Variants in TRAPPC9 observed in about 807,000 individuals in gnomAD.
The protein encoded by TRAPPC9 is trafficking protein particle complex subunit 9, also known as IKK2 binding protein.
A neutral mutation model predicts 124.0 loss-of-function variants in TRAPPC9; 83 were observed. That is an observed-to-expected ratio of 0.67 (90% CI 0.56 to 0.80). The LOEUF (loss-of-function observed/expected upper bound fraction) is 0.80, where lower values mean the gene tolerates loss of function less well. TRAPPC9 is among the 30% of genes least tolerant of loss of function. The probability of loss-of-function intolerance (pLI) is 0.00; values close to 1 mark genes in which losing one functional copy is unlikely to be tolerated. For missense variants in TRAPPC9, 1,302 were observed against 1,508.3 expected, an observed-to-expected ratio of 0.86 and a Z score of 2.27; for synonymous variants, 638 against 617.5, an observed-to-expected ratio of 1.03 and a Z score of -0.49.
At chr8:139,908,367 C>T (rs557188990) in intron 20 of TRAPPC9, among the ~76,000 whole-genome samples, 47 of 152,242 alleles carry the variant, frequency 3.1e-4, no homozygotes, top group Non-Finnish European at 5.7e-4. Flanking sequence ...CTCTGAGACC[C>T]GAGTAAGAGA....
At chr8:140,007,226 G>C (rs1304315506) in intron 18 of TRAPPC9, among the ~76,000 whole-genome samples, 1 of 152,204 alleles carries the variant, frequency 6.6e-6, no homozygotes, top group African/African-American at 2.4e-5. Flanking sequence ...GGAGAGCCAT[G>C]AAGAACGCAC....
chr8:140,175,537 C>T (rs1362403056), intron 17 of TRAPPC9, among the ~76,000 whole-genome samples: 1 of 152,164 alleles, frequency 6.6e-6, no homozygotes, highest in Non-Finnish European at 1.5e-5. Flanking sequence ...GTAAGGCTCA[C>T]ATCTCCAGAG....
chr8:139,993,270 A>C (rs1837757155), intron 18 of TRAPPC9, among the ~76,000 whole-genome samples: 1 of 152,204 alleles, frequency 6.6e-6, no homozygotes, highest in African/African-American at 2.4e-5. Flanking sequence ...AAGAATCAAT[A>C]ATTTAAAGTA....
At chr8:140,312,053 G>A (rs1158275478) in intron 9 of TRAPPC9, among the ~76,000 whole-genome samples, 1 of 152,208 alleles carries the variant, frequency 6.6e-6, no homozygotes, top group Non-Finnish European at 1.5e-5. Flanking sequence ...GCTCAGGAAG[G>A]CAGGCACTCC....
chr8:140,067,904 C>T (rs1024685364), intron 17 of TRAPPC9, among the ~76,000 whole-genome samples: 20 of 152,296 alleles, frequency 1.3e-4, no homozygotes, highest in South Asian at 8.3e-4. Flanking sequence ...AACTGAGGCA[C>T]GCATCATGTC....
At chr8:139,993,762 C>T (rs1837790256) in intron 18 of TRAPPC9, among the ~76,000 whole-genome samples, 1 of 151,952 alleles carries the variant, frequency 6.6e-6, no homozygotes, top group African/African-American at 2.4e-5. Flanking sequence ...ATTAAAACTG[C>T]TGGGTAAATA....
chr8:140,004,348 T>C (rs993893804), intron 18 of TRAPPC9, among the ~76,000 whole-genome samples: 3 of 152,186 alleles, frequency 2.0e-5, no homozygotes, highest in African/African-American at 7.2e-5. Flanking sequence ...TTTTACTCTA[T>C]GTTAATTTAA....
chr8:139,789,936 G>T (rs969313731), intron 21 of TRAPPC9, among the ~76,000 whole-genome samples: 2 of 152,116 alleles, frequency 1.3e-5, no homozygotes, highest in Non-Finnish European at 2.9e-5. Context: ...AGCCTTCTCG[G>T]GCTCCCGTCC....
At position 139,831,753 on chromosome 8, in the gene TRAPPC9, C is replaced by T. The variant is rs1351638891; in HGVS notation, c.3055+54126G>A. ...CTTTGCTTTGCAAAGCAACTTGCCG[C>T]AGTGAAAGTGTTACTCTCCTCAATT... On this transcript the variant is annotated intron_variant, in intron 21 of 22. Coordinates refer to ENST00000438773, the MANE Select transcript of TRAPPC9 (RefSeq NM_001160372.4). 2.6e-5 allele frequency among the ~76,000 whole-genome samples: 4 copies of T among 152,172 alleles called. No individual in the cohort carries two copies. The East Asian group carries it at 7.7e-4, about 29-fold the overall frequency.
intron 16 of TRAPPC9, among the ~76,000 whole-genome samples, chr8:140,231,454 A>T (rs528403875): frequency 6.8e-6 from 1 of 147,292 alleles, no homozygotes; most frequent in South Asian, 2.2e-4. Context: ...ATTATTTTTT[A>T]AAACTGCTAG....
chr8:139,768,647 G>A lies in TRAPPC9; in HGVS notation c.3056-36445C>T, dbSNP rs150724284. ...GTTTTCTACAATGAGCATGACTTCC[G>A]TTTTCATTTTAATTCATCAACAGGG... On this transcript the variant is annotated intron_variant, in intron 21 of 22. Coordinates refer to ENST00000438773, the MANE Select transcript of TRAPPC9 (RefSeq NM_001160372.4). 8.5e-3 allele frequency among the ~76,000 whole-genome samples: 1,295 copies of A among 152,258 alleles called. 21 individuals are homozygous for A. The highest frequency in any genetic ancestry group is 0.03 in the African/African-American group (1,245 of 41,544).
rs760260908 is a variant in TRAPPC9, at chr8:140,371,019, G to A, written c.1296C>T (p.Leu432=). 9 of 1,614,142 alleles carry A rather than the reference G, an allele frequency of 5.6e-6. No individual in the cohort carries two copies. The highest frequency in any genetic ancestry group is 4.5e-5 in the East Asian group (2 of 44,890). ...EPGWRACYKL[L]LETLPGYSLS... ...GACTGTAGCCGGGCAGCGTTTCCAG[G>A]AGGAGTTTGTAGCAGGCCCTCCACC... Residue 432 remains leucine, a synonymous_variant, in exon 8 of 23, where the codon CTC becomes CTT. Transcript: ENST00000438773.
intron 19 of TRAPPC9, among the ~76,000 whole-genome samples, chr8:139,959,082 G>GAGTCACACGGGGGAGCCCTGCATTCCC (rs1835206679): frequency 1.3e-5 from 2 of 151,630 alleles, no homozygotes; most frequent in Non-Finnish European, 1.5e-5. Flanking sequence ...CCTGCATTCC[G>GAGTCACACGGGGGAGCCCTGCATTCCC]AGTCACACGG....
intron 17 of TRAPPC9, among the ~76,000 whole-genome samples, chr8:140,172,543 A>G (rs2130954094): frequency 6.6e-6 from 1 of 151,942 alleles, no homozygotes; most frequent in South Asian, 2.1e-4. Context: ...GACAGTGGAC[A>G]GGGGGTTAAA....
At chr8:140,118,362 G>A (rs961345650) in intron 17 of TRAPPC9, among the ~76,000 whole-genome samples, 14 of 152,212 alleles carry the variant, frequency 9.2e-5, no homozygotes, top group Non-Finnish European at 7.4e-5. Flanking sequence ...ATGAATGAAC[G>A]TCTACCATTT....
chr8:140,134,896 G>A (rs1211993607), intron 17 of TRAPPC9, among the ~76,000 whole-genome samples: 2 of 152,134 alleles, frequency 1.3e-5, no homozygotes, highest in Non-Finnish European at 2.9e-5. Context: ...TACAGAACGG[G>A]AGAAAATATT....
chr8:140,403,431 T>TAAA (rs34616687), intron 6 of TRAPPC9, among the ~76,000 whole-genome samples: 9 of 142,614 alleles, frequency 6.3e-5, no homozygotes, highest in African/African-American at 1.8e-4. Context: ...TCTGTCTCCA[T>TAAA]AAAAAAAAAA....
chr8:139,892,227 C>T (rs1038383569), intron 20 of TRAPPC9, among the ~76,000 whole-genome samples: 6 of 152,224 alleles, frequency 3.9e-5, no homozygotes, highest in African/African-American at 9.6e-5. Flanking sequence ...GCCCCCACCC[C>T]GGCATGGAGC....
chr8:140,083,396 C>T (rs1843971939), intron 17 of TRAPPC9, among the ~76,000 whole-genome samples: 1 of 152,164 alleles, frequency 6.6e-6, no homozygotes. Context: ...TACAATTACA[C>T]TGACGAACAT....
Sources: allele counts gnomAD v4.1 joint callset (sites outside exome capture counted in the v4.1 genomes callset), GRCh38; gene constraint gnomAD v4.1.1; transcripts MANE v1.5; gene names NCBI Gene and HGNC (gene_info 2026-07-23, HGNC 2026-07-21).